NAV1: variants seen among roughly 807,000 people sequenced by gnomAD.
The protein encoded by NAV1 is pore membrane and/or filament interacting like protein 3.
Under a neutral mutation model 175.2 loss-of-function variants are expected in NAV1, and 18 were observed. That is an observed-to-expected ratio of 0.10 (90% CI 0.07 to 0.15). The LOEUF (loss-of-function observed/expected upper bound fraction) is 0.15. NAV1 is among the 10% of genes least tolerant of loss of function. NAV1 has a pLI of 1.00. For missense variants in NAV1, 1,731 were observed against 2,436.6 expected, an observed-to-expected ratio of 0.71 and a Z score of 6.10; for synonymous variants, 897 against 978.7, an observed-to-expected ratio of 0.92 and a Z score of 1.56.
intron 16 of NAV1, 136 bp downstream of exon 20, chr1:201,803,850 T>A (rs1360309697): frequency 8.7e-7 from 1 of 1,155,250 alleles, no homozygotes; most frequent in African/African-American, 1.5e-5. Context: ...TGATGTCCGC[T>A]CAGAGCATGG....
At chr1:201,783,372 AT>A in intron 6 of NAV1, 33 bp from the exon 11 acceptor site, 1 of 1,593,022 alleles carries the variant, frequency 6.3e-7, no homozygotes, top group Non-Finnish European at 8.6e-7. Context: ...CTGTAATTCT[AT>A]TATTCTAAAT....
chr1:201,808,943 A>G lies in NAV1; in HGVS notation c.4207+72A>G. The G allele has an allele frequency of 6.5e-7, 1 of 1,540,600 alleles. No homozygotes were observed. The highest frequency in any genetic ancestry group is 8.8e-7 in the Non-Finnish European group (1 of 1,137,276). On this transcript the variant is annotated intron_variant, in intron 20 of 29. Transcript: ENST00000367296. This position sits in a 1 kb window ranked among gnomAD's most constrained non-coding sequence, Gnocchi z 5.5. Reference sequence around the variant, plus strand: ...GCTTATTTCACTGTTACACCATTCCACTTGCTTTGGTCAGGGCGGTAACAA... The same window carrying G: ...GCTTATTTCACTGTTACACCATTCCGCTTGCTTTGGTCAGGGCGGTAACAA...
At chr1:201,771,331 C>T (rs1471213460) in intron 3 of NAV1, among the ~76,000 whole-genome samples, 4 of 150,942 alleles carry the variant, frequency 2.7e-5, no homozygotes, top group East Asian at 1.9e-4. Context: ...GCCAACATGG[C>T]GAAACTCCAT....
chr1:201,816,231 C>T (rs967705097), intron 28 of NAV1, among the ~76,000 whole-genome samples: 5 of 152,054 alleles, frequency 3.3e-5, no homozygotes, highest in African/African-American at 9.7e-5. Flanking sequence ...ATTAGCCGAG[C>T]GTGGTGGCAC....
At chr1:201,662,700 T>A (rs1669660097) in intron 1 of NAV1, among the ~76,000 whole-genome samples, 1 of 152,154 alleles carries the variant, frequency 6.6e-6, no homozygotes, top group African/African-American at 2.4e-5. Flanking sequence ...TAAAGCTAGT[T>A]CTATTTCCAC....
At chr1:201,815,027 G>A in intron 28 of NAV1, among the ~76,000 whole-genome samples, 1 of 137,830 alleles carries the variant, frequency 7.3e-6, no homozygotes, top group Non-Finnish European at 1.5e-5. Context: ...GTGACAGAGG[G>A]AGACTCTGTC....
chr1:201,716,796 T>C (rs1051986512), intron 2 of NAV1, among the ~76,000 whole-genome samples: 2 of 152,216 alleles, frequency 1.3e-5, no homozygotes, highest in Non-Finnish European at 2.9e-5. Flanking sequence ...GAGGGTCACT[T>C]GAGCTCGGGA....
At chr1:201,600,728 A>G (rs1187120846) in intron 2 of NAV1, among the ~76,000 whole-genome samples, 1 of 152,098 alleles carries the variant, frequency 6.6e-6, no homozygotes, top group African/African-American at 2.4e-5. Context: ...GGAGGCTTAC[A>G]ACACTAAGGT....
At chr1:201,789,837 C>T (rs757082513) in intron 11 of NAV1, 45 bp downstream of exon 15, 2 of 1,567,288 alleles carry the variant, frequency 1.3e-6, no homozygotes. Context: ...CTCCCCTCTA[C>T]CATCCCATGC....
At chr1:201,556,261 T>A (rs952005917) in intron 1 of NAV1, among the ~76,000 whole-genome samples, 6 of 151,500 alleles carry the variant, frequency 4.0e-5, no homozygotes, top group African/African-American at 1.5e-4. Context: ...AAAATAAAAA[T>A]AAAAAAATTA....
chr1:201,674,804 A>C (rs1670180482), intron 1 of NAV1, among the ~76,000 whole-genome samples: 1 of 152,134 alleles, frequency 6.6e-6, no homozygotes, highest in African/African-American at 2.4e-5. Context: ...TGGGAGGCCG[A>C]GGTGGGCAGA....
intron 3 of NAV1, among the ~76,000 whole-genome samples, chr1:201,719,252 T>G (rs1488943391): frequency 6.6e-6 from 1 of 151,858 alleles, no homozygotes; most frequent in African/African-American, 2.4e-5. Flanking sequence ...AGTCAAACAG[T>G]GAGTAGCAGC....
chr1:201,597,819 G>C (rs1451964229), intron 2 of NAV1, among the ~76,000 whole-genome samples: 1 of 152,206 alleles, frequency 6.6e-6, no homozygotes, highest in African/African-American at 2.4e-5. Flanking sequence ...GTGATGTCCT[G>C]GCCCAGTGTG....
At chr1:201,563,360 G>GTGTATCTTTCTGGGAGA (rs1666259123) in intron 1 of NAV1, among the ~76,000 whole-genome samples, 1 of 152,054 alleles carries the variant, frequency 6.6e-6, no homozygotes, top group South Asian at 2.1e-4. Flanking sequence ...TTTTTTTCTG[G>GTGTATCTTTCTGGGAGA]TGTATCTTTC....
At chr1:201,585,681 T>C (rs1667005602) in intron 1 of NAV1, among the ~76,000 whole-genome samples, 1 of 152,132 alleles carries the variant, frequency 6.6e-6, no homozygotes, top group African/African-American at 2.4e-5. Context: ...TCAAAGAATA[T>C]ATATAAATGG....
At chr1:201,651,122 C>CGGGTGTGTGTGTGTGTGT (rs1669185959) in intron 1 of NAV1, among the ~76,000 whole-genome samples, 1 of 129,062 alleles carries the variant, frequency 7.7e-6, no homozygotes, top group Non-Finnish European at 1.7e-5. Context: ...AGGAAGGGAC[C>CGGGTGTGTGTGTGTGTGT]GTGTGTGTGT....
chr1:201,794,419 G>A, intron 14 of NAV1, 47 bp from the exon 19 acceptor site: 2 of 1,561,442 alleles, frequency 1.3e-6, no homozygotes. Flanking sequence ...GGGATTATAG[G>A]TGTGAGCCAC....
At chr1:201,769,396 ACT>A (rs1389864894) in intron 3 of NAV1, among the ~76,000 whole-genome samples, 1 of 151,964 alleles carries the variant, frequency 6.6e-6, no homozygotes, top group African/African-American at 2.4e-5. Flanking sequence ...CCATCCATCA[ACT>A]CTAGCAAGTG....
chr1:201,645,695 G>GTGAAAATATACACAC (rs1668954318), upstream of NAV1, among the ~76,000 whole-genome samples: 1 of 152,270 alleles, frequency 6.6e-6, no homozygotes, highest in Admixed American at 6.5e-5. Flanking sequence ...ATGTGTCACA[G>GTGAAAATATACACAC]TGAAAATAAG....
Sources: allele counts gnomAD v4.1 joint callset (sites outside exome capture counted in the v4.1 genomes callset), GRCh38; gene constraint gnomAD v4.1.1; non-coding constraint Gnocchi (gnomAD v3.1); transcripts MANE v1.5; gene names NCBI Gene and HGNC (gene_info 2026-07-23, HGNC 2026-07-21).